Variants in AGAP1 observed in about 807,000 individuals in gnomAD.
The protein encoded by AGAP1 is ArfGAP with GTPase domain, ankyrin repeat and PH domain 1.
In AGAP1, 29 loss-of-function variants were observed where a neutral mutation model predicts 105.3. The ratio of observed to expected loss-of-function variants is 0.28; its 90% CI spans 0.21 to 0.38. AGAP1 has a LOEUF of 0.38. AGAP1 is among the 10% of genes least tolerant of loss of function. AGAP1 has a pLI of 1.00. For synonymous variants in AGAP1, 509 were observed against 485.9 expected (o/e 1.05, Z -0.63); for missense variants, 998 against 1,165.1 (o/e 0.86, Z 2.09).
chr2:235,759,248 A>G (rs969685357), intron 6 of AGAP1, among the ~76,000 whole-genome samples: 7 of 145,918 alleles, frequency 4.8e-5, no homozygotes, highest in Non-Finnish European at 1.0e-4. Flanking sequence ...AGCTCACTGC[A>G]AGCTCCACCT....
At chr2:235,825,994 A>G (rs578092090) in intron 9 of AGAP1, among the ~76,000 whole-genome samples, 2 of 152,174 alleles carry the variant, frequency 1.3e-5, no homozygotes, top group East Asian at 3.9e-4. Flanking sequence ...CCTACTATGT[A>G]CTCAAAAAAT....
intron 1 of AGAP1, among the ~76,000 whole-genome samples, chr2:235,678,335 G>A (rs986552802): frequency 3.9e-5 from 6 of 152,326 alleles, no homozygotes; most frequent in Admixed American, 2.0e-4. Flanking sequence ...GGAGACTGGA[G>A]CATGGAGGCT....
rs374754076 is a variant in AGAP1, at chr2:235,919,709, AACAC to A, written c.1324+10816_1324+10819del. ...AAATGAAAATGAATTTCATGTTAAA[AACAC>A]ACACACACACACCTGTTGCATTTAT... On this transcript the variant is annotated intron_variant, in intron 11 of 17. Coordinates refer to ENST00000304032, the MANE Select transcript of AGAP1 (RefSeq NM_001037131.3). This position sits in a 1 kb window ranked among gnomAD's most constrained non-coding sequence, Gnocchi z 4.1. 7.2e-5 allele frequency among the ~76,000 whole-genome samples: 11 copies of A among 151,910 alleles called. No homozygotes were observed. Among genetic ancestry groups the A allele is most frequent in the African/African-American group, 2.7e-4 (11 of 41,370 alleles).
At chr2:236,102,245 G>A (rs565163007) in intron 16 of AGAP1, among the ~76,000 whole-genome samples, 2,019 of 152,084 alleles carry the variant, frequency 0.013, 18 homozygotes, top group Non-Finnish European at 0.019. Context: ...GTGAAACCCT[G>A]TTTCTACTAA....
intron 13 of AGAP1, among the ~76,000 whole-genome samples, chr2:235,978,982 C>A (rs1187055165): frequency 6.6e-6 from 1 of 152,034 alleles, no homozygotes; most frequent in Non-Finnish European, 1.5e-5. Context: ...TAGATGGGCT[C>A]TGTTATAAGG....
intron 9 of AGAP1, among the ~76,000 whole-genome samples, chr2:235,823,586 C>G (rs1030363844): frequency 6.6e-6 from 1 of 152,208 alleles, no homozygotes; most frequent in Non-Finnish European, 1.5e-5. Context: ...CTTCCAGATG[C>G]TCTTCCAGTA....
At chr2:235,602,251 A>G (rs562993956) in intron 1 of AGAP1, among the ~76,000 whole-genome samples, 31 of 152,334 alleles carry the variant, frequency 2.0e-4, no homozygotes, top group African/African-American at 7.5e-4. Context: ...GGTCATAGCC[A>G]TGCCTGTTTG....
In AGAP1 at chr2:236,089,843, G is replaced by A. The variant is rs1400883496; in HGVS notation, c.2115-30349G>A. ...CATGTAACGCCCTATAAATTTATTA[G>A]CATGCCTCATTTCTCATTGGTGGAC... On this transcript the variant is annotated intron_variant, in intron 16 of 17. Coordinates refer to ENST00000304032, the MANE Select transcript of AGAP1 (RefSeq NM_001037131.3). This position sits in a 1 kb window ranked among gnomAD's most constrained non-coding sequence, Gnocchi z 5.6. Among the ~76,000 whole-genome samples, 1 of 151,968 alleles carries A rather than the reference G, an allele frequency of 6.6e-6. No individual in the cohort carries two copies. Among genetic ancestry groups the A allele is most frequent in the South Asian group, 2.1e-4 (1 of 4,810 alleles).
intron 13 of AGAP1, among the ~76,000 whole-genome samples, chr2:236,026,976 A>G (rs1039366047): frequency 6.6e-6 from 1 of 152,190 alleles, no homozygotes; most frequent in Non-Finnish European, 1.5e-5. Context: ...AGAGAGGAAA[A>G]TGATTACAAG....
chr2:235,912,973 G>C (rs1424810537), intron 11 of AGAP1, among the ~76,000 whole-genome samples: 2 of 152,032 alleles, frequency 1.3e-5, no homozygotes, highest in Non-Finnish European at 2.9e-5. Flanking sequence ...TTTTGCACTA[G>C]GTTCTTTTTC....
chr2:235,514,414 C>T (rs1361096211), intron 1 of AGAP1, among the ~76,000 whole-genome samples: 1 of 152,250 alleles, frequency 6.6e-6, no homozygotes, highest in African/African-American at 2.4e-5. Flanking sequence ...TCGCTGGGCT[C>T]CCAGGCCCTT....
chr2:235,563,765 C>G (rs1285453573), intron 1 of AGAP1, among the ~76,000 whole-genome samples: 1 of 152,152 alleles, frequency 6.6e-6, no homozygotes, highest in Non-Finnish European at 1.5e-5. Flanking sequence ...GCTAGCGTTT[C>G]TTGAGGGTCT....
intron 9 of AGAP1, among the ~76,000 whole-genome samples, chr2:235,835,452 C>G (rs577324321): frequency 6.6e-6 from 1 of 152,338 alleles, no homozygotes; most frequent in South Asian, 2.1e-4. Flanking sequence ...GTTTTGTAAA[C>G]TTGTCATCTT....
intron 14 of AGAP1, among the ~76,000 whole-genome samples, chr2:236,037,723 AG>A (rs1182256472): frequency 2.0e-5 from 3 of 152,142 alleles, no homozygotes; most frequent in African/African-American, 7.2e-5. Flanking sequence ...TGTGTTCTCT[AG>A]GCTACTGCCC....
intron 9 of AGAP1, chr2:235,852,679 TC>T: frequency 1.4e-6 from 2 of 1,447,260 alleles, no homozygotes; most frequent in Admixed American, 2.9e-5. Flanking sequence ...CTCCTTTCTC[TC>T]CCCAGGGCCT....
rs755069973 is a variant in AGAP1 at position 236,003,559 on chromosome 2, G to A, written c.1646-33002G>A. The stretch of plus-strand genomic sequence containing the variant: ...CCAGAGTCACCCGCAGCCCCCCTGC[G>A]CTGCTGCTGCCCGCATGGGGTACCC... On this transcript the variant is annotated intron_variant, in intron 13 of 17. Transcript: ENST00000304032. The surrounding 1 kb of genome is among the most constrained non-coding windows in gnomAD (Gnocchi z 4.2). Among the ~76,000 whole-genome samples, 1 of 152,178 alleles carries A rather than the reference G, an allele frequency of 6.6e-6. No individual in the cohort carries two copies. Among genetic ancestry groups the A allele is most frequent in the South Asian group, 2.1e-4 (1 of 4,824 alleles).
intron 9 of AGAP1, among the ~76,000 whole-genome samples, chr2:235,837,084 C>T (rs894954663): frequency 6.6e-6 from 1 of 152,208 alleles, no homozygotes; most frequent in African/African-American, 2.4e-5. Context: ...CTCCGGGGTT[C>T]AAGAGATTCT....
chr2:235,675,163 T>C (rs1267059419), intron 1 of AGAP1, among the ~76,000 whole-genome samples: 1 of 150,568 alleles, frequency 6.6e-6, no homozygotes, highest in Non-Finnish European at 1.5e-5. Context: ...AAGGACACTT[T>C]TTGTTGGTTG....
chr2:235,847,629 A>G (rs1961658709), intron 9 of AGAP1, among the ~76,000 whole-genome samples: 1 of 152,232 alleles, frequency 6.6e-6, no homozygotes, highest in African/African-American at 2.4e-5. Flanking sequence ...ACTATTCATC[A>G]CTCAAGCAGT....
Sources: gnomAD v4.1 joint callset for allele counts (sites outside exome capture counted in the v4.1 genomes callset) on GRCh38, gnomAD v4.1.1 for gene constraint, Gnocchi (gnomAD v3.1) non-coding constraint, MANE v1.5 for transcripts, NCBI Gene and HGNC (gene_info 2026-07-23, HGNC 2026-07-21) for gene names.